CDKL4: variants seen among roughly 807,000 people sequenced by gnomAD.
The protein encoded by CDKL4 is cyclin-dependent kinase-like 4.
In CDKL4, 44 loss-of-function variants were observed where a neutral mutation model predicts 42.0. The observed-to-expected ratio is 1.05, with a 90% CI of 0.82 to 1.35. The LOEUF (loss-of-function observed/expected upper bound fraction) is 1.35, where lower values mean the gene tolerates loss of function less well. Among genes scored for constraint, CDKL4 ranks in the 40% most tolerant of loss-of-function variants. The probability of loss-of-function intolerance (pLI) is 0.00; values close to 1 mark genes in which losing one functional copy is unlikely to be tolerated. For synonymous variants in CDKL4, 120 were observed against 121.6 expected (o/e 0.99, Z 0.09); for missense variants, 393 against 369.9 (o/e 1.06, Z -0.51).
intron 2 of CDKL4, among the ~76,000 whole-genome samples, chr2:39,226,765 G>T (rs182187090): frequency 1.6e-4 from 25 of 151,852 alleles, no homozygotes; most frequent in Non-Finnish European, 3.1e-4. Context: ...ACATAATTCA[G>T]CATACACACC....
chr2:39,169,206 T>C, the CDKL4 span, among the ~76,000 whole-genome samples: 1 of 152,246 alleles, frequency 6.6e-6, no homozygotes, highest in Non-Finnish European at 1.5e-5. Flanking sequence ...AATTCTTTGA[T>C]GAAAACATCA....
intron 4 of CDKL4, among the ~76,000 whole-genome samples, chr2:39,211,804 G>A (rs1315681861): frequency 6.6e-6 from 1 of 151,794 alleles, no homozygotes; most frequent in Non-Finnish European, 1.5e-5. Flanking sequence ...AATACCTCCT[G>A]AGCCCACTCA....
chr2:39,238,298 T>G (rs923986334), intron 1 of CDKL4, among the ~76,000 whole-genome samples: 3 of 152,136 alleles, frequency 2.0e-5, no homozygotes, highest in Non-Finnish European at 2.9e-5. Context: ...CAGGGTCTAG[T>G]GGCCCTCGCC....
At chr2:39,232,400 C>T (rs1679129457) in intron 1 of CDKL4, among the ~76,000 whole-genome samples, 1 of 152,176 alleles carries the variant, frequency 6.6e-6, no homozygotes, top group South Asian at 2.1e-4. Flanking sequence ...GTAATTCCTA[C>T]TCTCTTATTT....
At chr2:39,212,395 G>T (rs1035975906) in intron 4 of CDKL4, among the ~76,000 whole-genome samples, 1 of 151,770 alleles carries the variant, frequency 6.6e-6, no homozygotes, top group African/African-American at 2.4e-5. Context: ...CACCATGCCC[G>T]GCCAATTTTT....
At chr2:39,223,250 C>T (rs1047642417) in intron 3 of CDKL4, among the ~76,000 whole-genome samples, 26 of 152,004 alleles carry the variant, frequency 1.7e-4, no homozygotes, top group Admixed American at 1.6e-3. Flanking sequence ...TAAATAATGA[C>T]GTATTGAACA....
At chr2:39,223,947 T>G (rs868841) in intron 3 of CDKL4, among the ~76,000 whole-genome samples, 11,571 of 152,194 alleles carry the variant, frequency 0.076, 1,513 homozygotes, top group African/African-American at 0.26. Flanking sequence ...GAAGGTAAGG[T>G]GAGGCTCCTT....
intron 5 of CDKL4, among the ~76,000 whole-genome samples, chr2:39,198,146 T>TA (rs1282479580): frequency 1.3e-5 from 2 of 151,928 alleles, no homozygotes; most frequent in East Asian, 3.9e-4. Flanking sequence ...GGGGAAAGGG[T>TA]ATTCCATGCC....
intron 1 of CDKL4, among the ~76,000 whole-genome samples, chr2:39,234,798 T>G (rs1679277256): frequency 6.6e-6 from 1 of 152,138 alleles, no homozygotes. Flanking sequence ...TGCAGCAGCA[T>G]CTTAAACTCA....
At chr2:39,226,412 T>A in intron 2 of CDKL4, among the ~76,000 whole-genome samples, 1 of 146,122 alleles carries the variant, frequency 6.8e-6, no homozygotes, top group African/African-American at 2.5e-5. Flanking sequence ...GTGTTTTAAA[T>A]TTACTTATTT....
exon 8 of CDKL4, chr2:39,184,595 A>G: frequency 6.2e-7 from 1 of 1,609,756 alleles, no homozygotes; most frequent in Non-Finnish European, 8.5e-7. Flanking sequence ...AAGTACCTTC[A>G]TGAAGTTCAG....
At chr2:39,202,812 T>C (rs1188901077) in intron 5 of CDKL4, among the ~76,000 whole-genome samples, 2 of 152,202 alleles carry the variant, frequency 1.3e-5, no homozygotes, top group Non-Finnish European at 2.9e-5. Flanking sequence ...TATCACATAA[T>C]GGGACCCCCT....
chr2:39,213,958 C>A (rs1416449579), intron 3 of CDKL4, among the ~76,000 whole-genome samples: 1 of 151,848 alleles, frequency 6.6e-6, no homozygotes, highest in Non-Finnish European at 1.5e-5. Flanking sequence ...GGCTCTGTCA[C>A]CCAGGCTGGA....
At chr2:39,211,067 T>C (rs993357047) in intron 4 of CDKL4, among the ~76,000 whole-genome samples, 3 of 152,220 alleles carry the variant, frequency 2.0e-5, no homozygotes, top group Admixed American at 1.3e-4. Flanking sequence ...GCCTCAGCAC[T>C]GTCTCTGTCT....
At chr2:39,210,812 C>A (rs926615079) in intron 4 of CDKL4, among the ~76,000 whole-genome samples, 14 of 152,136 alleles carry the variant, frequency 9.2e-5, no homozygotes, top group African/African-American at 3.4e-4. Context: ...TCAGAAAGCA[C>A]AATTTGCATC....
rs756021188 is a variant in CDKL4, at chr2:39,190,486, G to A, written c.471C>T (p.Tyr157=). The A allele has an allele frequency of 1.9e-6, 3 of 1,614,062 alleles. No homozygotes were observed. In the Admixed American group the frequency reaches 5.0e-5, roughly 27 times the overall value. The change falls in exon 6 of 10, where the codon TAC becomes TAT. Residue 157 remains tyrosine (Y), a synonymous_variant. Transcript: ENST00000451199. ...ACCATCTCGTAGCTACATAATCGGT[G>A]TAGGCATCTCCTGGAACTGCAAATG...
Position 39,213,474 on chromosome 2 carries a change from T to C in CDKL4, c.291-2A>G, listed in dbSNP as rs1409716188. 6.2e-7 allele frequency: 1 copy of C among 1,605,028 alleles called. No homozygotes were observed. Among genetic ancestry groups the C allele is most frequent in the African/African-American group, 1.3e-5 (1 of 74,772 alleles). On this transcript the variant is annotated splice_acceptor_variant, in intron 3 of 9. Transcript: ENST00000451199. LOFTEE classifies it high-confidence loss of function. ...CTTTTGATCACTCCATCAGCAACTC[T>C]GAGGGAAAAAATAAAAAAGGAAATG...
intron 3 of CDKL4, among the ~76,000 whole-genome samples, chr2:39,225,240 A>G (rs1479821491): frequency 6.6e-6 from 1 of 152,114 alleles, no homozygotes; most frequent in Non-Finnish European, 1.5e-5. Flanking sequence ...TCTCTACTAA[A>G]AATACAAAAA....
downstream of CDKL4, among the ~76,000 whole-genome samples, chr2:39,173,484 C>A (rs1436534490): frequency 6.6e-6 from 1 of 150,986 alleles, no homozygotes; most frequent in Non-Finnish European, 1.5e-5. Flanking sequence ...TGAGATCAGC[C>A]TGGGCAATAT....
Sources: gnomAD v4.1 joint callset for allele counts (sites outside exome capture counted in the v4.1 genomes callset) on GRCh38, gnomAD v4.1.1 for gene constraint, MANE v1.5 for transcripts, NCBI Gene and HGNC (gene_info 2026-07-23, HGNC 2026-07-21) for gene names.